PCYT1B: variants seen among roughly 807,000 people sequenced by gnomAD.
PCYT1B encodes phosphate cytidylyltransferase 1B, choline.
PCYT1B carries 10 observed loss-of-function variants against 26.4 expected under a neutral mutation model. That is an observed-to-expected ratio of 0.38 (90% CI 0.23 to 0.64). The LOEUF is 0.64. PCYT1B is among the 30% of genes least tolerant of loss of function. PCYT1B has a pLI of 0.56. For missense variants in PCYT1B, 161 were observed against 292.7 expected, an observed-to-expected ratio of 0.55 and a Z score of 3.28; for synonymous variants, 131 against 108.4, an observed-to-expected ratio of 1.21 and a Z score of -1.29.
chrX:24,591,030 T>C (rs1397991609), intron 3 of PCYT1B, among the ~76,000 whole-genome samples: 1 of 110,323 alleles, frequency 9.1e-6, no homozygotes. Flanking sequence ...CCTGACCTTG[T>C]GATCCACCCA....
At chrX:24,587,153 C>A in intron 5 of PCYT1B, 88 bp downstream of exon 5, 1 of 637,760 alleles carries the variant, frequency 1.6e-6, no homozygotes, top group Non-Finnish European at 2.5e-6. Flanking sequence ...TTTGTATACA[C>A]TGCAGATGTC....
Position 24,559,406 on chromosome X carries a change from AGAG to A in PCYT1B, c.*2884_*2886del, listed in dbSNP as rs1869053803. 1 of 87,662 alleles carries A rather than the reference AGAG, an allele frequency of 1.1e-5. No homozygotes were observed. Among genetic ancestry groups the A allele is most frequent in the Non-Finnish European group, 2.3e-5 (1 of 44,436 alleles). The allele number at this position is 87,662 out of a possible 1,213,427, so 7.2% of individuals were successfully genotyped here. A position where few individuals can be genotyped will look rare whatever the true frequency, so the allele number is the denominator to read the frequency against. Reference sequence around the variant, plus strand: ...GAGAAAGAAAAAGAAAGAAAGAAAAAGAGGAAAGAAAAAGAGAAAGAAGAAAGA... The same window carrying A: ...GAGAAAGAAAAAGAAAGAAAGAAAAAGAAAGAAAAAGAGAAAGAAGAAAGA... On this transcript the variant is annotated 3_prime_UTR_variant, in exon 8 of 8. Transcript: ENST00000379144.
chrX:24,568,216 C>A (rs1175173840), intron 7 of PCYT1B, among the ~76,000 whole-genome samples: 1 of 111,623 alleles, frequency 9.0e-6, no homozygotes, highest in Non-Finnish European at 1.9e-5. Context: ...ACACAGGTGC[C>A]AGGCACTGCT....
At position 24,587,397 on chromosome X, in the gene PCYT1B, C is replaced by T. The variant is rs12687329; in HGVS notation, c.487-78G>A. 5,452 of 620,045 alleles carry T rather than the reference C, an allele frequency of 8.8e-3. 140 individuals are homozygous for T. The highest frequency in any genetic ancestry group is 0.081 in the Admixed American group (3,449 of 42,351). 51.1% of individuals were successfully genotyped at this position (620,045 alleles called of 1,213,427 possible). ...GCAGATTTGAAGGGGGGAATGGTGACTTCATAATGCCTTTTCAAAATAAGG... is the reference window on the plus strand; with the variant it reads ...GCAGATTTGAAGGGGGGAATGGTGATTTCATAATGCCTTTTCAAAATAAGG... On this transcript the variant is annotated intron_variant, in intron 4 of 7. Transcript: ENST00000379144.
chrX:24,568,972 T>A (rs1359909112), intron 7 of PCYT1B, among the ~76,000 whole-genome samples: 2 of 110,252 alleles, frequency 1.8e-5, no homozygotes, highest in Non-Finnish European at 3.8e-5. Flanking sequence ...TGGTGGCATA[T>A]GCCTGTAGTC....
intron 7 of PCYT1B, among the ~76,000 whole-genome samples, chrX:24,570,305 G>A (rs1602148668): frequency 9.2e-6 from 1 of 109,109 alleles, no homozygotes; most frequent in African/African-American, 3.3e-5. Context: ...CCAGGCTGGA[G>A]TGCAGTGGTG....
intron 1 of PCYT1B, among the ~76,000 whole-genome samples, chrX:24,654,749 C>CAAAAAAAAAA (rs574317952): frequency 7.5e-5 from 3 of 40,045 alleles, no homozygotes; most frequent in Non-Finnish European, 1.2e-4. Flanking sequence ...GACCCTGTCT[C>CAAAAAAAAAA]AAAAAAAAAA....
intron 3 of PCYT1B, among the ~76,000 whole-genome samples, 172 bp from the exon 4 acceptor site, chrX:24,590,346 G>A (rs779189280): frequency 1.7e-4 from 19 of 111,950 alleles, no homozygotes; most frequent in African/African-American, 6.2e-4. Flanking sequence ...AGCAAAGTAA[G>A]CTAAAATCCA....
Position 24,637,121 on chromosome X carries a change from G to C in PCYT1B, c.117+9868C>G, listed in dbSNP as rs749421235. Among the ~76,000 whole-genome samples, 3 of 110,633 alleles carry C rather than the reference G, an allele frequency of 2.7e-5. No homozygotes were observed. In the South Asian group the frequency reaches 1.2e-3, roughly 43 times the overall value. ...TTCTAGTTTTACTACAAAGAACACA[G>C]ATATCTGATTTATTTCTACTCCTGT... On this transcript the variant is annotated intron_variant, in intron 1 of 7. Transcript: ENST00000379144.
rs1378848561 is a variant in PCYT1B at position 24,559,554 on chromosome X, C to T, written c.*2739G>A. The T allele has an allele frequency of 2.7e-5, 3 of 111,607 alleles. No homozygotes were observed. Among genetic ancestry groups the T allele is most frequent in the Non-Finnish European group, 5.7e-5 (3 of 53,071 alleles). The allele number at this position is 111,607 out of a possible 1,213,427, so 9.2% of individuals were successfully genotyped here. A position where few individuals can be genotyped will look rare whatever the true frequency, so the allele number is the denominator to read the frequency against. ...CTTCAGTCCCACTTTCTCCCATCTTCATAAGCTGCCCCCTTCTGCAGTCCT... is the reference window on the plus strand; with the variant it reads ...CTTCAGTCCCACTTTCTCCCATCTTTATAAGCTGCCCCCTTCTGCAGTCCT... On this transcript the variant is annotated 3_prime_UTR_variant, in exon 8 of 8. Transcript: ENST00000379144.
intron 1 of PCYT1B, among the ~76,000 whole-genome samples, chrX:24,640,029 A>G (rs1482711262): frequency 2.7e-5 from 3 of 112,152 alleles, no homozygotes; most frequent in Non-Finnish European, 5.6e-5. Context: ...AAAAGGAAAA[A>G]AAGATGAAGG....
At chrX:24,579,522 T>G in intron 5 of PCYT1B, 64 bp from the exon 6 acceptor site, 1 of 1,057,101 alleles carries the variant, frequency 9.5e-7, no homozygotes, top group Non-Finnish European at 1.3e-6. Flanking sequence ...CCCATCTCCT[T>G]TAATGGTCCC....
At chrX:24,634,758 C>CAAG (rs1017745630) in intron 1 of PCYT1B, among the ~76,000 whole-genome samples, 1 of 110,152 alleles carries the variant, frequency 9.1e-6, no homozygotes, top group African/African-American at 3.3e-5. Flanking sequence ...AACAAACAAA[C>CAAG]AACAACAACA....
intron 5 of PCYT1B, among the ~76,000 whole-genome samples, chrX:24,581,891 G>A (rs929854070): frequency 8.9e-6 from 1 of 112,755 alleles, no homozygotes; most frequent in African/African-American, 3.2e-5. Context: ...ATCAGTAGCA[G>A]AGTGGCACTG....
At chrX:24,576,213 G>T (rs1194793887) in intron 6 of PCYT1B, among the ~76,000 whole-genome samples, 2 of 112,453 alleles carry the variant, frequency 1.8e-5, no homozygotes, top group East Asian at 5.5e-4. Flanking sequence ...ATAACATGTG[G>T]CTCTTCCCCC....
chrX:24,655,963 C>CA (rs1159221148), intron 1 of PCYT1B, among the ~76,000 whole-genome samples: 1,490 of 49,600 alleles, frequency 0.03, 18 homozygotes, highest in African/African-American at 0.057. Context: ...ACTAAAAATA[C>CA]AAAAAAAAAA....
At chrX:24,578,631 T>C (rs1233659868) in intron 6 of PCYT1B, among the ~76,000 whole-genome samples, 1 of 112,311 alleles carries the variant, frequency 8.9e-6, no homozygotes, top group Non-Finnish European at 1.9e-5. Flanking sequence ...AGGTTTCTAA[T>C]GAGCATCTGT....
At chrX:24,589,725 G>A (rs889611207) in intron 4 of PCYT1B, among the ~76,000 whole-genome samples, 7 of 111,457 alleles carry the variant, frequency 6.3e-5, no homozygotes, top group Middle Eastern at 4.6e-3. Flanking sequence ...TTTTACAGTT[G>A]AGGTAAGCGA....
At chrX:24,593,007 G>A (rs900510440) in intron 3 of PCYT1B, among the ~76,000 whole-genome samples, 3 of 111,309 alleles carry the variant, frequency 2.7e-5, no homozygotes, top group East Asian at 2.8e-4. Context: ...TCTGCCTCCC[G>A]GGTTCAAGCG....
Sources: allele counts gnomAD v4.1 joint callset (sites outside exome capture counted in the v4.1 genomes callset), GRCh38; gene constraint gnomAD v4.1.1; transcripts MANE v1.5; gene names NCBI Gene and HGNC (gene_info 2026-07-23, HGNC 2026-07-21).